Variants in TOPBP1 observed in about 807,000 individuals in gnomAD.
The protein encoded by TOPBP1 is DNA topoisomerase 2-binding protein 1.
In TOPBP1, 28 loss-of-function variants were observed where a neutral mutation model predicts 167.7. That is an observed-to-expected ratio of 0.17 (90% CI 0.12 to 0.23). The LOEUF is 0.23. Ranked by LOEUF, TOPBP1 falls within the 10% of genes least tolerant of loss-of-function variation. The pLI is 1.00. For missense variants in TOPBP1, 1,554 were observed against 1,809.6 expected (o/e 0.86, Z 2.56); for synonymous variants, 598 against 611.4 (o/e 0.98, Z 0.32).
chr3:133,612,319 T>C (rs11712186), intron 24 of TOPBP1, 70 bp downstream of exon 24: 278,521 of 1,568,942 alleles, frequency 0.18, 27,353 homozygotes, highest in Non-Finnish European at 0.21. Flanking sequence ...GGATAACAGG[T>C]GTGAGCCACT....
rs1026135960 is a variant in TOPBP1 at position 133,600,514 on chromosome 3, C to A, written c.*736G>T. The A allele has an allele frequency of 2.6e-5, 4 of 152,344 alleles. No individual in the cohort carries two copies. The highest frequency in any genetic ancestry group is 9.7e-5 in the African/African-American group (4 of 41,436). The allele number at this position is 152,344 out of a possible 1,614,324, so 9.4% of individuals were successfully genotyped here. On this transcript the variant is annotated 3_prime_UTR_variant, in exon 28 of 28. Coordinates refer to ENST00000260810, the MANE Select transcript of TOPBP1 (RefSeq NM_007027.4). ...TCAGCCTCCCAAAGTGCTGGGATTA[C>A]AGGCACGAGCCACCGCACCCAGGCC...
chr3:133,601,703 AC>A (rs1373963627), intron 27 of TOPBP1, among the ~76,000 whole-genome samples: 1 of 152,238 alleles, frequency 6.6e-6, no homozygotes, highest in Non-Finnish European at 1.5e-5. Context: ...AATGAAAACA[AC>A]CAATGTCACA....
chr3:133,627,308 C>T (rs1315118009), intron 16 of TOPBP1, among the ~76,000 whole-genome samples: 2 of 151,796 alleles, frequency 1.3e-5, no homozygotes, highest in Non-Finnish European at 2.9e-5. Context: ...AACAAGGAAA[C>T]ATTCAATTTT....
intron 24 of TOPBP1, among the ~76,000 whole-genome samples, chr3:133,612,050 T>A (rs1390512890): frequency 6.6e-6 from 1 of 151,964 alleles, no homozygotes; most frequent in Non-Finnish European, 1.5e-5. Context: ...CTTACTTTTT[T>A]TTTTTTTTTA....
intron 19 of TOPBP1, among the ~76,000 whole-genome samples, chr3:133,621,862 T>G (rs956905078): frequency 1.3e-5 from 2 of 152,218 alleles, no homozygotes; most frequent in Non-Finnish European, 2.9e-5. Context: ...GGTTATTCAC[T>G]GCAGTACTAT....
In TOPBP1 at chr3:133,636,171, G is replaced by C. The variant is rs74196650; in HGVS notation, c.2520+1705C>G. On this transcript the variant is annotated intron_variant, in intron 14 of 27. Coordinates refer to ENST00000260810, the MANE Select transcript of TOPBP1 (RefSeq NM_007027.4). ...TACTGACCATGGTCTCTATCTGAACGTGTATAGTGGCTTCTCAATGATTAA... is the reference window on the plus strand; with the variant it reads ...TACTGACCATGGTCTCTATCTGAACCTGTATAGTGGCTTCTCAATGATTAA... Among the ~76,000 whole-genome samples the C allele has an allele frequency of 3.2e-3, 487 of 152,264 alleles. 5 individuals are homozygous for C. The East Asian group carries it at 0.038, about 12-fold the overall frequency.
rs1239036212 is a variant in TOPBP1 at position 133,626,696 on chromosome 3, TACTCC to T, written c.2804+1661_2804+1665del. Among the ~76,000 whole-genome samples the T allele has an allele frequency of 3.3e-5, 5 of 152,316 alleles. No homozygotes were observed. In the East Asian group the frequency reaches 9.6e-4, roughly 29 times the overall value. On this transcript the variant is annotated intron_variant, in intron 16 of 27. Coordinates refer to ENST00000260810, the MANE Select transcript of TOPBP1 (RefSeq NM_007027.4). ...TTACATAGGTATACAAACGTATTAA[TACTCC>T]ATTGTTTTCTAGTGTAGTCAGCCTT... is the stretch of plus-strand genomic sequence containing the variant.
At chr3:133,622,901 A>G (rs545627257) in intron 19 of TOPBP1, among the ~76,000 whole-genome samples, 190 bp downstream of exon 19, 55 of 152,184 alleles carry the variant, frequency 3.6e-4, no homozygotes, top group African/African-American at 1.3e-3. Flanking sequence ...ATCCTCTAAT[A>G]TATGCTTTGC....
chr3:133,650,002 A>G (rs1401892644), intron 8 of TOPBP1, 59 bp from the exon 9 acceptor site: 4 of 1,342,610 alleles, frequency 3.0e-6, no homozygotes, highest in Non-Finnish European at 4.0e-6. Context: ...GAAAAAAACT[A>G]AAAATATATA....
In TOPBP1 at chr3:133,600,311, C is replaced by A; in HGVS notation, c.*939G>T. ...GGAGTGCAATGGCGCGATCTCAGCT[C>A]ACCGCAACCTCCGCCTCCCGGGTTC... On this transcript the variant is annotated 3_prime_UTR_variant, in exon 28 of 28. Transcript: ENST00000260810. 6.6e-6 allele frequency: 1 copy of A among 150,662 alleles called. No homozygotes were observed. The highest frequency in any genetic ancestry group is 1.5e-5 in the Non-Finnish European group (1 of 68,328). 9.3% of individuals were successfully genotyped at this position (150,662 alleles called of 1,614,324 possible).
intron 10 of TOPBP1, 28 bp downstream of exon 10, chr3:133,649,355 C>T (rs10512909): frequency 0.18 from 284,634 of 1,600,994 alleles, 27,868 homozygotes; most frequent in Non-Finnish European, 0.21. Flanking sequence ...TTCTTACTAA[C>T]TACAAATACT....
intron 12 of TOPBP1, among the ~76,000 whole-genome samples, chr3:133,640,847 T>C (rs550534158): frequency 6.6e-6 from 1 of 152,288 alleles, no homozygotes; most frequent in African/African-American, 2.4e-5. Context: ...TCCAAAGCAT[T>C]TCTACATATT....
intron 7 of TOPBP1, among the ~76,000 whole-genome samples, chr3:133,652,839 A>C (rs918340369): frequency 2.0e-4 from 30 of 152,354 alleles, no homozygotes; most frequent in African/African-American, 7.0e-4. Flanking sequence ...AAATAGATTT[A>C]ACACATTTTC....
intron 20 of TOPBP1, among the ~76,000 whole-genome samples, chr3:133,618,900 C>T (rs1404528720): frequency 6.6e-6 from 1 of 151,842 alleles, no homozygotes; most frequent in Admixed American, 6.6e-5. Flanking sequence ...TAAAGGCTGC[C>T]TTATCAGAAG....
At chr3:133,620,478 G>C in intron 19 of TOPBP1, 131 bp from the exon 20 acceptor site, 1 of 894,686 alleles carries the variant, frequency 1.1e-6, no homozygotes, top group East Asian at 2.6e-5. Context: ...TTAACTACAG[G>C]CTATAGTAAT....
In TOPBP1 at chr3:133,649,771, G is replaced by A. The variant is rs771441191; in HGVS notation, c.1253+9C>T. ...GTAGAAATTGCTTTGAATTAAAAACGAAAAAAACCTGTGGGCTGATTTATT... is the reference window on the plus strand; with the variant it reads ...GTAGAAATTGCTTTGAATTAAAAACAAAAAAAACCTGTGGGCTGATTTATT... On this transcript the variant is annotated intron_variant, in intron 9 of 27. Coordinates refer to ENST00000260810, the MANE Select transcript of TOPBP1 (RefSeq NM_007027.4). The A allele has an allele frequency of 1.6e-5, 26 of 1,583,182 alleles. No individual in the cohort carries two copies. In the Admixed American group the frequency reaches 2.8e-4, roughly 17 times the overall value.
chr3:133,649,502 G>A lies in TOPBP1; in HGVS notation c.1385C>T (p.Ala462Val). The change falls in exon 10 of 28, where the codon GCA becomes GTA. Residue 462 changes from alanine (A) to valine (V), a missense_variant. Ala to Val is a moderately conservative substitution (Grantham distance 64). Around this residue, in one of 3 missense-constraint regions of TOPBP1, gnomAD observed 1,197 missense variants for 1,351.5 expected, o/e 0.89. Transcript: ENST00000260810. ...GCTGTTCTTCTTTTTTAAAAGAGCT[G>A]CTTTACTTTCAGGCTTATGTGAAAC... is the stretch of plus-strand genomic sequence containing the variant. ...IPVSHKPESKAALLKKKNSSF... is the reference protein window; with the variant it reads ...IPVSHKPESKVALLKKKNSSF... 1 of 1,613,886 alleles carries A rather than the reference G, an allele frequency of 6.2e-7. No homozygotes were observed. Among genetic ancestry groups the A allele is most frequent in the Non-Finnish European group, 8.5e-7 (1 of 1,179,850 alleles).
In TOPBP1 at chr3:133,652,431, T is replaced by C. The variant is rs553475958; in HGVS notation, c.1089+32A>G. The C allele has an allele frequency of 4.8e-5, 77 of 1,607,086 alleles. No homozygotes were observed. In the South Asian group the frequency reaches 8.3e-4, roughly 17 times the overall value. On this transcript the variant is annotated intron_variant, in intron 8 of 27. Transcript: ENST00000260810. ...GGCTAGGAAATGCTAATGTATATCA[T>C]CTACTGCATGTATTATATAATAAAG...
At chr3:133,647,321 C>T (rs1032662701) in intron 10 of TOPBP1, among the ~76,000 whole-genome samples, 2 of 152,128 alleles carry the variant, frequency 1.3e-5, no homozygotes, top group African/African-American at 2.4e-5. Context: ...AACTTAAAGG[C>T]ATATTGAGTT....
Sources: gnomAD v4.1 joint callset for allele counts (sites outside exome capture counted in the v4.1 genomes callset) on GRCh38, gnomAD v4.1.1 for gene constraint, gnomAD v4.1.1 regional missense constraint, MANE v1.5 for transcripts, NCBI Gene and HGNC (gene_info 2026-07-23, HGNC 2026-07-21) for gene names.